IQCM: variants seen among roughly 807,000 people sequenced by gnomAD.
The protein encoded by IQCM is IQ domain-containing protein M.
In IQCM, 45 loss-of-function variants were observed where a neutral mutation model predicts 57.6. The observed-to-expected ratio is 0.78, with a 90% CI of 0.62 to 1.00. The LOEUF (loss-of-function observed/expected upper bound fraction) is 1.00, where lower values mean the gene tolerates loss of function less well. IQCM is among the 50% of genes least tolerant of loss of function. The pLI, the probability that IQCM is intolerant of heterozygous loss-of-function variation, is 0.00. For missense variants in IQCM, 468 were observed against 511.6 expected (o/e 0.91, Z 0.82); for synonymous variants, 148 against 158.9 (o/e 0.93, Z 0.51).
chr4:149,468,272 C>T (rs1357209098), intron 12 of IQCM, among the ~76,000 whole-genome samples: 2 of 152,144 alleles, frequency 1.3e-5, no homozygotes, highest in African/African-American at 4.8e-5. Flanking sequence ...AGGACACGCC[C>T]ACCCTAATAC....
chr4:149,665,229 T>C (rs573709248), intron 7 of IQCM, among the ~76,000 whole-genome samples: 1 of 152,144 alleles, frequency 6.6e-6, no homozygotes, highest in East Asian at 2.0e-4. Flanking sequence ...CATGGGCCCC[T>C]ACCCCAAGAC....
chr4:149,592,730 T>C (rs1315235325), intron 8 of IQCM, among the ~76,000 whole-genome samples: 2 of 152,110 alleles, frequency 1.3e-5, no homozygotes, highest in Non-Finnish European at 2.9e-5. Flanking sequence ...TCCCCATTTC[T>C]TGTTTTTGTC....
At chr4:149,421,703 T>C (rs1734133544) in intron 13 of IQCM, among the ~76,000 whole-genome samples, 1 of 151,992 alleles carries the variant, frequency 6.6e-6, no homozygotes, top group African/African-American at 2.4e-5. Flanking sequence ...CATAGGTTGA[T>C]TTTAAGTCTA....
At chr4:149,619,312 C>A in intron 8 of IQCM, among the ~76,000 whole-genome samples, 1 of 151,822 alleles carries the variant, frequency 6.6e-6, no homozygotes, top group African/African-American at 2.4e-5. Flanking sequence ...CCAATAGACA[C>A]TGGAGATGCT....
At chr4:149,705,213 AAG>A (rs1764066669) in intron 5 of IQCM, among the ~76,000 whole-genome samples, 1 of 146,994 alleles carries the variant, frequency 6.8e-6, no homozygotes, top group African/African-American at 2.5e-5. Context: ...AATATATAAA[AAG>A]AAACATATAT....
chr4:149,781,090 G>A (rs1771562508), intron 2 of IQCM, among the ~76,000 whole-genome samples: 2 of 152,070 alleles, frequency 1.3e-5, no homozygotes, highest in African/African-American at 4.8e-5. Context: ...AGAAAGGATT[G>A]AGAACCTGGA....
intron 8 of IQCM, among the ~76,000 whole-genome samples, chr4:149,603,658 A>C (rs1503749): frequency 0.15 from 22,741 of 151,914 alleles, 2,109 homozygotes; most frequent in South Asian, 0.33. Flanking sequence ...AAAAAGAGAA[A>C]TCAACAAGAA....
rs369069957 is a variant in IQCM at position 149,414,490 on chromosome 4, G to A, written c.1390+18906C>T. ...AAAAGCAGTTTTGGAAAGCAGAGATGTGAACCTGAGAGAGTGCACAGAGCC... is the reference window on the plus strand; with the variant it reads ...AAAAGCAGTTTTGGAAAGCAGAGATATGAACCTGAGAGAGTGCACAGAGCC... On this transcript the variant is annotated intron_variant, in intron 13 of 13. Transcript: ENST00000636793. 5.9e-5 allele frequency among the ~76,000 whole-genome samples: 9 copies of A among 152,134 alleles called. No homozygotes were observed. The South Asian group carries it at 6.2e-4, about 10-fold the overall frequency.
intron 5 of IQCM, 134 bp downstream of exon 5, chr4:149,733,110 C>T (rs1486341502): frequency 3.9e-6 from 3 of 765,498 alleles, no homozygotes; most frequent in Admixed American, 4.3e-5. Context: ...AATAATCAGG[C>T]CTCCCTACCT....
chr4:149,741,745 A>T (rs1278556489), intron 3 of IQCM, among the ~76,000 whole-genome samples: 1 of 152,188 alleles, frequency 6.6e-6, no homozygotes, highest in African/African-American at 2.4e-5. Context: ...ACTCTAAAAG[A>T]AATATAATGT....
intron 13 of IQCM, among the ~76,000 whole-genome samples, chr4:149,376,578 A>G (rs551933384): frequency 6.6e-6 from 1 of 152,176 alleles, no homozygotes; most frequent in African/African-American, 2.4e-5. Flanking sequence ...GACAATGTGC[A>G]GTGACAGATG....
At chr4:149,439,079 C>A (rs1735650994) in intron 12 of IQCM, among the ~76,000 whole-genome samples, 1 of 151,836 alleles carries the variant, frequency 6.6e-6, no homozygotes. Flanking sequence ...TTAAATTTTG[C>A]CAGAATATTC....
At chr4:149,618,190 T>A (rs1215134229) in intron 8 of IQCM, among the ~76,000 whole-genome samples, 1 of 152,032 alleles carries the variant, frequency 6.6e-6, no homozygotes, top group Non-Finnish European at 1.5e-5. Context: ...AACCCAGAAA[T>A]AAAGTCACAT....
At chr4:149,404,625 A>C (rs1472095386) in intron 13 of IQCM, among the ~76,000 whole-genome samples, 2 of 152,090 alleles carry the variant, frequency 1.3e-5, no homozygotes, top group East Asian at 3.9e-4. Context: ...ACAGAAGTCT[A>C]GCAGCTGGTG....
Position 149,485,361 on chromosome 4 carries a change from C to G in IQCM, c.1229-51804G>C, listed in dbSNP as rs554310343. 6.3e-4 allele frequency among the ~76,000 whole-genome samples: 96 copies of G among 151,950 alleles called. No individual in the cohort carries two copies. In the Middle Eastern group the frequency reaches 0.01, roughly 16 times the overall value. On this transcript the variant is annotated intron_variant, in intron 12 of 13. Transcript: ENST00000636793. ...AATTCTTATATTTGTCCTTTTGAGG[C>G]TATTTTCTACATCTCGTAGGTATGC...
Position 149,722,593 on chromosome 4 carries a change from G to T in IQCM, c.385+10651C>A, listed in dbSNP as rs541560603. 1.4e-4 allele frequency among the ~76,000 whole-genome samples: 22 copies of T among 152,034 alleles called. No individual in the cohort carries two copies. The East Asian group carries it at 2.7e-3, about 19-fold the overall frequency. On this transcript the variant is annotated intron_variant, in intron 5 of 13. Transcript: ENST00000636793. ...CATCTGCTTTGTCAAAGATCAGTTG[G>T]TTATAAAGCATTTGGCTTTGTTTCT... is the stretch of plus-strand genomic sequence containing the variant.
intron 7 of IQCM, among the ~76,000 whole-genome samples, chr4:149,643,586 T>A (rs867863729): frequency 6.6e-6 from 1 of 152,150 alleles, no homozygotes; most frequent in African/African-American, 2.4e-5. Context: ...ACTTATGTTA[T>A]CAGGGTACTC....
intron 5 of IQCM, among the ~76,000 whole-genome samples, chr4:149,720,023 T>C (rs1157385982): frequency 6.6e-6 from 1 of 152,190 alleles, no homozygotes; most frequent in Non-Finnish European, 1.5e-5. Flanking sequence ...GAAGAGGTGG[T>C]ATTATTTACA....
chr4:149,641,750 G>A (rs1758210915), intron 7 of IQCM, among the ~76,000 whole-genome samples: 1 of 151,864 alleles, frequency 6.6e-6, no homozygotes, highest in Non-Finnish European at 1.5e-5. Context: ...TATTCCTTAA[G>A]TCAGATAAAG....
Sources: gnomAD v4.1 joint callset for allele counts (sites outside exome capture counted in the v4.1 genomes callset) on GRCh38, gnomAD v4.1.1 for gene constraint, MANE v1.5 for transcripts, NCBI Gene and HGNC (gene_info 2026-07-23, HGNC 2026-07-21) for gene names.